Variants in DNAH2 observed in about 807,000 individuals in gnomAD.
DNAH2 encodes dynein axonemal heavy chain 2.
Under a neutral mutation model 523.5 loss-of-function variants are expected in DNAH2, and 323 were observed. The ratio of observed to expected loss-of-function variants is 0.62; its 90% confidence interval spans 0.56 to 0.68. The LOEUF is 0.68. DNAH2 is among the 30% of genes least tolerant of loss of function. DNAH2 has a pLI of 0.00. For synonymous variants in DNAH2, 2,093 were observed against 2,177.4 expected, an observed-to-expected ratio of 0.96 and a Z score of 1.08; for missense variants, 4,907 against 5,701.5, an observed-to-expected ratio of 0.86 and a Z score of 4.49.
chr17:7,732,187 C>T (rs570664183), intron 4 of DNAH2, among the ~76,000 whole-genome samples: 2 of 151,770 alleles, frequency 1.3e-5, no homozygotes, highest in South Asian at 2.1e-4. Flanking sequence ...GTAATCCCAG[C>T]GCTTTGGGAG....
intron 31 of DNAH2, among the ~76,000 whole-genome samples, 197 bp downstream of exon 31, chr17:7,776,346 G>A (rs11658349): frequency 0.82 from 125,162 of 151,732 alleles, 53,378 homozygotes; most frequent in Non-Finnish European, 0.94. Flanking sequence ...TGCTCCTGTA[G>A]TCCCAGTTTC....
At chr17:7,793,457 TTC>T (rs758955693) in intron 48 of DNAH2, among the ~76,000 whole-genome samples, 9 of 110,286 alleles carry the variant, frequency 8.2e-5, no homozygotes, top group Non-Finnish European at 1.0e-4. Flanking sequence ...TTTTCTTTCT[TTC>T]TTTCTTTCTT....
chr17:7,777,031 A>C, intron 32 of DNAH2, 142 bp downstream of exon 32: 1 of 652,566 alleles, frequency 1.5e-6, no homozygotes, highest in Non-Finnish European at 2.6e-6. Flanking sequence ...CAAAAAATAC[A>C]AAAATTAGCT....
In DNAH2 at chr17:7,798,319, G is replaced by A. The variant is rs757003347; in HGVS notation, c.8393G>A (p.Arg2798Gln). Residue 2798 changes from arginine to glutamine, a missense_variant, in exon 54 of 86, where the codon CGA becomes CAA. Coordinates refer to ENST00000572933, the MANE Select transcript of DNAH2 (RefSeq NM_020877.5). The surrounding 1 kb of genome is among the most constrained non-coding windows in gnomAD (Gnocchi z 5.5). Reference protein sequence around the residue: ...VTKHYRKQEFRDDIKRLYRQA... With the variant: ...VTKHYRKQEFQDDIKRLYRQA... ...AAACATTATCGGAAGCAGGAGTTCC[G>A]AGATGGTACGGCTGGGTTTCTGAAA... 23 of 1,609,056 alleles carry A rather than the reference G, an allele frequency of 1.4e-5. No individual in the cohort carries two copies. Among genetic ancestry groups the A allele is most frequent in the Admixed American group, 5.0e-5 (3 of 59,826 alleles).
At chr17:7,778,257 C>G in intron 34 of DNAH2, 23 bp from the exon 35 acceptor site, 1 of 1,614,056 alleles carries the variant, frequency 6.2e-7, no homozygotes, top group Non-Finnish European at 8.5e-7. Context: ...GAGTCTGACT[C>G]TAGTTCTGTC....
At chr17:7,749,894 C>A (rs1454579492) in intron 12 of DNAH2, among the ~76,000 whole-genome samples, 4 of 152,078 alleles carry the variant, frequency 2.6e-5, no homozygotes, top group African/African-American at 9.7e-5. Context: ...ACTCAGGAGG[C>A]TGAGGCAGGA....
intron 1 of DNAH2, among the ~76,000 whole-genome samples, chr17:7,719,328 C>T (rs950798380): frequency 6.6e-6 from 1 of 152,026 alleles, no homozygotes; most frequent in African/African-American, 2.4e-5. Flanking sequence ...GGGGTTTTGC[C>T]ATGTTGGCCA....
intron 39 of DNAH2, among the ~76,000 whole-genome samples, chr17:7,785,301 C>T (rs2151257058): frequency 6.6e-6 from 1 of 152,210 alleles, no homozygotes; most frequent in East Asian, 1.9e-4. Flanking sequence ...CGGGGTTTCG[C>T]CATGTTGGCC....
chr17:7,807,125 A>G lies in DNAH2; in HGVS notation c.9443-25A>G. 6.3e-7 allele frequency: 1 copy of G among 1,598,126 alleles called. No homozygotes were observed. The highest frequency in any genetic ancestry group is 8.5e-7 in the Non-Finnish European group (1 of 1,178,022). ...GGAGGATGGCATTAAGCCTCTGGCT[A>G]AGGCCCCTAATTTTCATCCCACAGG... is the stretch of plus-strand genomic sequence containing the variant. On this transcript the variant is annotated intron_variant, in intron 61 of 85. Coordinates refer to ENST00000572933, the MANE Select transcript of DNAH2 (RefSeq NM_020877.5). The surrounding 1 kb of genome is among the most constrained non-coding windows in gnomAD (Gnocchi z 5.6).
chr17:7,775,241 G>T lies in DNAH2; in HGVS notation c.4720G>T (p.Val1574Phe). Residue 1574 changes from valine (V) to phenylalanine (F), a missense_variant and splice_region_variant, in exon 30 of 86, where the codon GTT becomes TTT. Val to Phe is a conservative substitution (Grantham distance 50). Transcript: ENST00000572933. ...DNIKLLRIQK[V>F]GGPSSKWEAV... The stretch of plus-strand genomic sequence containing the variant: ...TCTGAGTAGCTTCTGCTTTCTGCAG[G>T]TTGGAGGGCCCAGCAGCAAATGGGA... The T allele has an allele frequency of 1.2e-6, 2 of 1,612,358 alleles. No homozygotes were observed. Among genetic ancestry groups the T allele is most frequent in the Non-Finnish European group, 1.7e-6 (2 of 1,179,176 alleles).
rs764703696 is a variant in DNAH2 at position 7,767,881 on chromosome 17, G to A, written c.3676-19G>A. ...GAGGGCAGGTGCCACTTCATGCAAC[G>A]CGCCTTTCTGCCCTGTAGGAGCTCG... On this transcript the variant is annotated intron_variant, in intron 22 of 85. Transcript: ENST00000572933. 14 of 1,613,632 alleles carry A rather than the reference G, an allele frequency of 8.7e-6. No individual in the cohort carries two copies. In the Admixed American group the frequency reaches 2.0e-4, roughly 23 times the overall value.
Position 7,808,387 on chromosome 17 carries a change from A to ATT in DNAH2, c.9729+802_9729+803insTT, listed in dbSNP as rs200153334. Among the ~76,000 whole-genome samples, 497 of 150,714 alleles carry ATT rather than the reference A, an allele frequency of 3.3e-3. 1 individual carries two copies. The highest frequency in any genetic ancestry group is 6.8e-3 in the African/African-American group (281 of 41,166). On this transcript the variant is annotated intron_variant, in intron 63 of 85. Transcript: ENST00000572933. ...TGTCTCAGAAAAAAAAAAAAAAAAG[A>ATT]TGCATGCATAAGTGACTCCTGAACC... is the stretch of plus-strand genomic sequence containing the variant.
intron 4 of DNAH2, among the ~76,000 whole-genome samples, chr17:7,728,341 G>A (rs554265215): frequency 1.4e-4 from 22 of 152,140 alleles, no homozygotes; most frequent in Admixed American, 3.3e-4. Flanking sequence ...TTAAAAGGCT[G>A]TTGCTTTGCT....
chr17:7,782,942 AG>A (rs1302078791), intron 39 of DNAH2, among the ~76,000 whole-genome samples: 3 of 152,218 alleles, frequency 2.0e-5, no homozygotes, highest in Non-Finnish European at 2.9e-5. Flanking sequence ...ATTTGGTGCA[AG>A]GGGGAGGCTA....
chr17:7,724,559 A>G (rs149870131), intron 3 of DNAH2, among the ~76,000 whole-genome samples: 1,624 of 152,262 alleles, frequency 0.011, 27 homozygotes, highest in African/African-American at 0.037. Flanking sequence ...CAGAGGTTGC[A>G]GTGAGCCAAG....
intron 65 of DNAH2, 56 bp from the exon 66 acceptor site, chr17:7,817,505 C>A: frequency 6.2e-7 from 1 of 1,613,556 alleles, no homozygotes; most frequent in Non-Finnish European, 8.5e-7. Flanking sequence ...CGTGAAGGCG[C>A]GGGGGCTGCT....
chr17:7,813,330 A>G (rs949563927), intron 63 of DNAH2, among the ~76,000 whole-genome samples: 26 of 151,798 alleles, frequency 1.7e-4, no homozygotes, highest in African/African-American at 5.3e-4. Context: ...GCCTCAAGCA[A>G]TCCTCCCGCC....
intron 39 of DNAH2, among the ~76,000 whole-genome samples, chr17:7,785,591 T>G (rs2076712701): frequency 6.6e-6 from 1 of 152,228 alleles, no homozygotes; most frequent in South Asian, 2.1e-4. Flanking sequence ...CTACATGAGC[T>G]GTGTGTTTAA....
In DNAH2 at chr17:7,754,132, G is replaced by A. The variant is rs549324849; in HGVS notation, c.1905-2959G>A. Among the ~76,000 whole-genome samples, 6 of 152,174 alleles carry A rather than the reference G, an allele frequency of 3.9e-5. No individual in the cohort carries two copies. In the East Asian group the frequency reaches 1.2e-3, roughly 29 times the overall value. ...AAAAGAGTGACGGGGATCTGTGGAC[G>A]ACATTCTTTAAAGCAGGCAGGCCGT... is the stretch of plus-strand genomic sequence containing the variant. On this transcript the variant is annotated intron_variant, in intron 12 of 85. Transcript: ENST00000572933. This position sits in a 1 kb window ranked among gnomAD's most constrained non-coding sequence, Gnocchi z 4.6.
Sources: gnomAD v4.1 joint callset for allele counts (sites outside exome capture counted in the v4.1 genomes callset) on GRCh38, gnomAD v4.1.1 for gene constraint, Gnocchi (gnomAD v3.1) non-coding constraint, MANE v1.5 for transcripts, NCBI Gene and HGNC (gene_info 2026-07-23, HGNC 2026-07-21) for gene names.